The following DCC variants were observed in gnomAD, a reference collection of about 807,000 sequenced individuals.
DCC encodes the protein netrin receptor DCC.
DCC carries 58 observed loss-of-function variants against 172.5 expected under a neutral mutation model. The observed-to-expected ratio is 0.34, with a 90% CI of 0.27 to 0.42. DCC has a LOEUF of 0.42. Among genes scored for constraint, DCC ranks in the 10% least tolerant of loss-of-function variants. The pLI, the probability that DCC is intolerant of heterozygous loss-of-function variation, is 1.00. For synonymous variants in DCC, 709 were observed against 644.5 expected, an observed-to-expected ratio of 1.10 and a Z score of -1.52; for missense variants, 1,740 against 1,791.0, an observed-to-expected ratio of 0.97 and a Z score of 0.51.
At chr18:52,461,090 A>G (rs1988615409) in intron 1 of DCC, among the ~76,000 whole-genome samples, 1 of 152,216 alleles carries the variant, frequency 6.6e-6, no homozygotes, top group Non-Finnish European at 1.5e-5. Flanking sequence ...CACATTGTAC[A>G]AAAATATTTT....
intron 12 of DCC, among the ~76,000 whole-genome samples, chr18:53,263,925 C>T (rs1020838565): frequency 4.6e-5 from 7 of 152,040 alleles, no homozygotes; most frequent in Admixed American, 6.6e-5. Flanking sequence ...GGAATAATTA[C>T]AATCAATAAT....
chr18:52,631,106 G>C (rs145901230), intron 1 of DCC, among the ~76,000 whole-genome samples: 1 of 152,146 alleles, frequency 6.6e-6, no homozygotes, highest in South Asian at 2.1e-4. Context: ...AGTTTTGGCC[G>C]GAGGGGAGCA....
chr18:53,175,602 T>G (rs966754304), intron 8 of DCC, among the ~76,000 whole-genome samples: 3 of 150,828 alleles, frequency 2.0e-5, no homozygotes, highest in African/African-American at 7.3e-5. Context: ...ATAAAATACC[T>G]AGGAATCCAA....
intron 4 of DCC, 76 bp downstream of exon 4, chr18:52,923,933 G>T (rs1422155114): frequency 1.9e-6 from 2 of 1,080,838 alleles, no homozygotes; most frequent in Non-Finnish European, 2.9e-6. Flanking sequence ...TCTCTAATTT[G>T]ATATAAGTAC....
At chr18:53,530,330 C>T in intron 28 of DCC, 2 of 702,914 alleles carry the variant, frequency 2.8e-6, no homozygotes, top group Non-Finnish European at 5.2e-6. Context: ...GACTCTGAAA[C>T]ATCTTCCTTG....
chr18:52,376,004 C>T (rs1985330108), intron 1 of DCC, among the ~76,000 whole-genome samples: 2 of 152,302 alleles, frequency 1.3e-5, no homozygotes, highest in South Asian at 4.1e-4. Context: ...AACAACACTA[C>T]ATGCTAGCCC....
chr18:52,840,056 C>T (rs1203859081), intron 2 of DCC, among the ~76,000 whole-genome samples: 1 of 152,164 alleles, frequency 6.6e-6, no homozygotes, highest in African/African-American at 2.4e-5. Context: ...CAGTGGGCCC[C>T]AGTTACTTAA....
chr18:52,801,411 A>G (rs1201298722), intron 2 of DCC, among the ~76,000 whole-genome samples: 1 of 152,226 alleles, frequency 6.6e-6, no homozygotes, highest in Non-Finnish European at 1.5e-5. Context: ...TTTTCACAAT[A>G]ACAATGAAGG....
chr18:53,446,463 G>A (rs1028178482), intron 22 of DCC, among the ~76,000 whole-genome samples: 8 of 152,228 alleles, frequency 5.3e-5, no homozygotes, highest in Admixed American at 3.3e-4. Flanking sequence ...AGCTGGAAAG[G>A]GGGCAATGTC....
At chr18:53,529,929 A>T (rs2046506847) in intron 28 of DCC, among the ~76,000 whole-genome samples, 1 of 152,286 alleles carries the variant, frequency 6.6e-6, no homozygotes, top group Non-Finnish European at 1.5e-5. Context: ...AATTGTCCCA[A>T]AAAGGATTGA....
At chr18:53,064,675 T>C (rs1599088199) in intron 6 of DCC, among the ~76,000 whole-genome samples, 1 of 152,182 alleles carries the variant, frequency 6.6e-6, no homozygotes, top group Non-Finnish European at 1.5e-5. Context: ...TTACCACTTA[T>C]TATTTTTCAC....
intron 5 of DCC, among the ~76,000 whole-genome samples, chr18:52,978,726 C>A (rs750807151): frequency 6.6e-6 from 1 of 152,148 alleles, no homozygotes; most frequent in Non-Finnish European, 1.5e-5. Flanking sequence ...CTATATCCAC[C>A]CTTCCCGCTT....
At chr18:53,004,041 A>C (rs2041607836) in intron 5 of DCC, among the ~76,000 whole-genome samples, 1 of 152,196 alleles carries the variant, frequency 6.6e-6, no homozygotes, top group African/African-American at 2.4e-5. Context: ...ATTGAATGCC[A>C]GTTTTCTCAT....
chr18:52,848,230 A>G (rs543695607), intron 2 of DCC, among the ~76,000 whole-genome samples: 42 of 151,966 alleles, frequency 2.8e-4, no homozygotes, highest in African/African-American at 9.7e-4. Flanking sequence ...GATAACAGGC[A>G]TCTGCCACCA....
At chr18:52,669,284 A>C (rs1206655318) in intron 1 of DCC, among the ~76,000 whole-genome samples, 1 of 152,176 alleles carries the variant, frequency 6.6e-6, no homozygotes, top group Non-Finnish European at 1.5e-5. Context: ...TGATTTTGGG[A>C]GCAGTTTAGG....
At chr18:53,195,582 C>G (rs573211541) in intron 9 of DCC, among the ~76,000 whole-genome samples, 4 of 152,234 alleles carry the variant, frequency 2.6e-5, no homozygotes, top group African/African-American at 9.6e-5. Flanking sequence ...ATATCTGAAG[C>G]CTTCCACGAG....
intron 28 of DCC, among the ~76,000 whole-genome samples, chr18:53,528,731 T>C (rs1341374920): frequency 6.6e-6 from 1 of 152,156 alleles, no homozygotes; most frequent in Non-Finnish European, 1.5e-5. Flanking sequence ...TCTAACCCAA[T>C]ATTTCCAAAA....
chr18:52,853,823 A>G (rs1253508877), intron 2 of DCC, among the ~76,000 whole-genome samples: 1 of 152,224 alleles, frequency 6.6e-6, no homozygotes, highest in Non-Finnish European at 1.5e-5. Flanking sequence ...ACAACTGATG[A>G]GCAAGATGTC....
intron 2 of DCC, among the ~76,000 whole-genome samples, chr18:52,814,893 C>T (rs747423100): frequency 2.0e-5 from 3 of 152,118 alleles, no homozygotes; most frequent in Non-Finnish European, 4.4e-5. Context: ...GATTAGGACC[C>T]TGGAATGAGG....
Sources: allele counts gnomAD v4.1 joint callset (sites outside exome capture counted in the v4.1 genomes callset), GRCh38; gene constraint gnomAD v4.1.1; transcripts MANE v1.5; gene names NCBI Gene and HGNC (gene_info 2026-07-23, HGNC 2026-07-21).